SH3BP4: variants seen among roughly 807,000 people sequenced by gnomAD.
The protein encoded by SH3BP4 is SH3 domain-binding protein 4.
In SH3BP4, 33 loss-of-function variants were observed where a neutral mutation model predicts 65.5. The observed-to-expected ratio is 0.50, with a 90% CI of 0.38 to 0.67. The LOEUF is 0.67. SH3BP4 is among the 30% of genes least tolerant of loss of function. SH3BP4 has a pLI of 0.00. For missense variants in SH3BP4, 1,134 were observed against 1,261.4 expected, an observed-to-expected ratio of 0.90 and a Z score of 1.53; for synonymous variants, 552 against 545.5, an observed-to-expected ratio of 1.01 and a Z score of -0.17.
Position 234,991,401 on chromosome 2 carries a change from C to T in SH3BP4, c.-206-3902C>T, listed in dbSNP as rs567576987. Among the ~76,000 whole-genome samples, 19 of 152,270 alleles carry T rather than the reference C, an allele frequency of 1.2e-4. No homozygotes were observed. Among genetic ancestry groups the T allele is most frequent in the East Asian group, 1.9e-4 (1 of 5,176 alleles). On this transcript the variant is annotated intron_variant, in intron 1 of 5. Transcript: ENST00000392011. This position sits in a 1 kb window ranked among gnomAD's most constrained non-coding sequence, Gnocchi z 4.2. The stretch of plus-strand genomic sequence containing the variant: ...GACATAACTGCCCTTCTCTCTGCAC[C>T]GTGGGAGAAGACACTTGTGTTTTGA...
At chr2:235,021,572 T>C (rs535075889) in intron 2 of SH3BP4, among the ~76,000 whole-genome samples, 1 of 147,918 alleles carries the variant, frequency 6.8e-6, no homozygotes, top group South Asian at 2.1e-4. Flanking sequence ...TGAGCCAAGA[T>C]CATGCCACTG....
chr2:235,048,289 A>C (rs941167026), intron 4 of SH3BP4, among the ~76,000 whole-genome samples: 1 of 152,206 alleles, frequency 6.6e-6, no homozygotes, highest in Non-Finnish European at 1.5e-5. Flanking sequence ...ACATGCAGCA[A>C]AAAAGCCTAA....
At chr2:234,962,645 A>G (rs937480550) in intron 1 of SH3BP4, among the ~76,000 whole-genome samples, 2 of 152,288 alleles carry the variant, frequency 1.3e-5, no homozygotes, top group East Asian at 1.9e-4. Flanking sequence ...CGCTTGAAGT[A>G]TAGAGCTTCC....
At position 235,041,516 on chromosome 2, in the gene SH3BP4, A is replaced by G. The variant is rs552847286; in HGVS notation, c.747A>G (p.Glu249=). The G allele has an allele frequency of 3.1e-6, 5 of 1,613,928 alleles. No individual in the cohort carries two copies. In the African/African-American group the frequency reaches 5.3e-5, roughly 17 times the overall value. ...FRSKRSYSLS[E]LSVLQAKSDA... ...GCAAGCGCTCCTACAGTCTCTCGGA[A>G]CTCTCCGTCCTCCAAGCCAAGTCCG... The change falls in exon 4 of 6, where the codon GAA becomes GAG. Residue 249 remains glutamate, a synonymous_variant. Transcript: ENST00000392011. This position sits in a 1 kb window ranked among gnomAD's most constrained non-coding sequence, Gnocchi z 6.0.
rs1003019416 is a variant in SH3BP4 at position 235,007,720 on chromosome 2, A to AGGCTGCGGCCATCCTGAGCCCG, written c.-133+12367_-133+12388dup. 5.3e-4 allele frequency among the ~76,000 whole-genome samples: 80 copies of AGGCTGCGGCCATCCTGAGCCCG among 152,234 alleles called. 1 individual carries two copies. Among genetic ancestry groups the AGGCTGCGGCCATCCTGAGCCCG allele is most frequent in the African/African-American group, 1.8e-3 (74 of 41,530 alleles). Reference sequence around the variant, plus strand: ...AGAGACCAGGCGTGCAGTGCTTGAGAGGCTGCGGCCATCCTGAGCCCGGGC... The same window carrying AGGCTGCGGCCATCCTGAGCCCG: ...AGAGACCAGGCGTGCAGTGCTTGAGAGGCTGCGGCCATCCTGAGCCCGGGCTGCGGCCATCCTGAGCCCGGGC... On this transcript the variant is annotated intron_variant, in intron 2 of 5. Coordinates refer to ENST00000392011, the MANE Select transcript of SH3BP4 (RefSeq NM_014521.3).
intron 1 of SH3BP4, among the ~76,000 whole-genome samples, chr2:234,982,198 T>C (rs1693408855): frequency 6.6e-6 from 1 of 152,202 alleles, no homozygotes; most frequent in Non-Finnish European, 1.5e-5. Context: ...TGAAGCCCGC[T>C]CTGTCCTGGT....
At position 235,052,228 on chromosome 2, in the gene SH3BP4, C is replaced by T. The variant is rs181260223; in HGVS notation, c.2479-334C>T. ...TGTCTGCTTTCTCTTCTTATGAAGACGCCAGTCCTTGGTGACTTCCTCTAA... is the reference window on the plus strand; with the variant it reads ...TGTCTGCTTTCTCTTCTTATGAAGATGCCAGTCCTTGGTGACTTCCTCTAA... On this transcript the variant is annotated intron_variant, in intron 4 of 5. Transcript: ENST00000392011. The surrounding 1 kb of genome is among the most constrained non-coding windows in gnomAD (Gnocchi z 5.0). Among the ~76,000 whole-genome samples the T allele has an allele frequency of 3.9e-5, 6 of 152,310 alleles. No homozygotes were observed. Among genetic ancestry groups the T allele is most frequent in the African/African-American group, 7.2e-5 (3 of 41,570 alleles).
At position 235,042,429 on chromosome 2, in the gene SH3BP4, G is replaced by A. The variant is rs777122740; in HGVS notation, c.1660G>A (p.Glu554Lys). Residue 554 changes from glutamate (E) to lysine (K), a missense_variant, in exon 4 of 6, where the codon GAG becomes AAG. Glu to Lys is a moderately conservative substitution (Grantham distance 56). Coordinates refer to ENST00000392011, the MANE Select transcript of SH3BP4 (RefSeq NM_014521.3). The surrounding 1 kb of genome is among the most constrained non-coding windows in gnomAD (Gnocchi z 7.3). ...NMTNYEVKAS[E>K]QAKVVRGFQL... ...GACGAATTACGAGGTCAAAGCCAGC[G>A]AGCAGGCCAAAGTGGTGCGAGGATT... 11 of 1,614,146 alleles carry A rather than the reference G, an allele frequency of 6.8e-6. No homozygotes were observed. Among genetic ancestry groups the A allele is most frequent in the Admixed American group, 3.3e-5 (2 of 60,020 alleles).
intron 1 of SH3BP4, among the ~76,000 whole-genome samples, chr2:234,983,463 C>T (rs943925594): frequency 6.6e-5 from 10 of 152,136 alleles, no homozygotes; most frequent in East Asian, 1.9e-4. Context: ...GAGCGGTGGA[C>T]GAGACCAGGG....
intron 1 of SH3BP4, among the ~76,000 whole-genome samples, chr2:234,958,692 G>C (rs954852729): frequency 6.6e-6 from 1 of 151,958 alleles, no homozygotes; most frequent in Non-Finnish European, 1.5e-5. Flanking sequence ...AGAAAGATGG[G>C]GGTAGGGGGA....
intron 2 of SH3BP4, among the ~76,000 whole-genome samples, chr2:235,019,318 A>G (rs1238793453): frequency 6.6e-6 from 1 of 152,074 alleles, no homozygotes; most frequent in African/African-American, 2.4e-5. Flanking sequence ...AGACTGGAAT[A>G]CACTGGCGAT....
chr2:235,025,370 C>T (rs1157252334), intron 2 of SH3BP4, among the ~76,000 whole-genome samples: 1 of 152,124 alleles, frequency 6.6e-6, no homozygotes, highest in Admixed American at 6.5e-5. Flanking sequence ...GGCCCCCACC[C>T]CTCTCCTGTG....
chr2:235,053,138 C>A (rs949783982), intron 5 of SH3BP4, among the ~76,000 whole-genome samples: 1 of 152,204 alleles, frequency 6.6e-6, no homozygotes, highest in Non-Finnish European at 1.5e-5. Context: ...GGGCCAAAGC[C>A]GGTGTGGCCG....
rs147385268 is a variant in SH3BP4, at chr2:235,041,461, C to T, written c.692C>T (p.Pro231Leu). The change falls in exon 4 of 6, where the codon CCG becomes CTG. Residue 231 changes from proline (P) to leucine (L), a missense_variant. By Grantham distance (98) the Pro-to-Leu change is moderately conservative. Coordinates refer to ENST00000392011, the MANE Select transcript of SH3BP4 (RefSeq NM_014521.3). The surrounding 1 kb of genome is among the most constrained non-coding windows in gnomAD (Gnocchi z 6.0). ...PVTNGLHAEP[P>L]VRRDNPFFRS... is the part of the protein sequence containing the mutation. ...ACAAACGGACTCCACGCAGAGCCGC[C>T]GGTCAGGCGGGACAACCCCTTCTTC... The T allele has an allele frequency of 1.9e-3, 3,146 of 1,614,212 alleles. 5 individuals carry two copies. Among genetic ancestry groups the T allele is most frequent in the Non-Finnish European group, 2.4e-3 (2,842 of 1,180,046 alleles).
intron 3 of SH3BP4, among the ~76,000 whole-genome samples, chr2:235,038,372 TA>T (rs1695505277): frequency 2.1e-5 from 1 of 46,662 alleles, no homozygotes; most frequent in Non-Finnish European, 3.4e-5. Flanking sequence ...ATATAATATA[TA>T]TACATATATA....
intron 2 of SH3BP4, among the ~76,000 whole-genome samples, chr2:235,008,289 G>T (rs1286260333): frequency 6.6e-6 from 1 of 152,186 alleles, no homozygotes; most frequent in Non-Finnish European, 1.5e-5. Context: ...CCCCTTGGTG[G>T]GAGGGAGGCC....
At position 234,967,116 on chromosome 2, in the gene SH3BP4, CTG is replaced by C. The variant is rs1692855927; in HGVS notation, c.-207+14947_-207+14948del. ...TGTCTCTGTTTAACAGATCGGGAAA[CTG>C]AGGAACCATGGGGTTTAGGGACTTG... is the stretch of plus-strand genomic sequence containing the variant. On this transcript the variant is annotated intron_variant, in intron 1 of 5. Transcript: ENST00000392011. The surrounding 1 kb of genome is among the most constrained non-coding windows in gnomAD (Gnocchi z 4.6). Among the ~76,000 whole-genome samples, 1 of 152,166 alleles carries C rather than the reference CTG, an allele frequency of 6.6e-6. No individual in the cohort carries two copies. The highest frequency in any genetic ancestry group is 2.1e-4 in the South Asian group (1 of 4,824).
chr2:234,975,867 C>A (rs1381010518), intron 1 of SH3BP4, among the ~76,000 whole-genome samples: 5 of 152,068 alleles, frequency 3.3e-5, no homozygotes, highest in African/African-American at 2.4e-5. Flanking sequence ...CAGAGCAAGA[C>A]CCTCTCTCAA....
At chr2:234,998,933 C>T (rs1446662806) in intron 2 of SH3BP4, among the ~76,000 whole-genome samples, 1 of 152,206 alleles carries the variant, frequency 6.6e-6, no homozygotes, top group Non-Finnish European at 1.5e-5. Flanking sequence ...CCTGCCAAGG[C>T]CTGACCTCCC....
Sources: allele counts gnomAD v4.1 joint callset (sites outside exome capture counted in the v4.1 genomes callset), GRCh38; gene constraint gnomAD v4.1.1; non-coding constraint Gnocchi (gnomAD v3.1); transcripts MANE v1.5; gene names NCBI Gene and HGNC (gene_info 2026-07-23, HGNC 2026-07-21).